Variants in RANBP2 observed in about 807,000 individuals in gnomAD.
RANBP2 encodes E3 SUMO-protein ligase RanBP2.
A neutral mutation model predicts 303.6 loss-of-function variants in RANBP2; 57 were observed. That is an observed-to-expected ratio of 0.19 (90% CI 0.15 to 0.23). The LOEUF (loss-of-function observed/expected upper bound fraction) is 0.23, where lower values mean the gene tolerates loss of function less well. Ranked by LOEUF, RANBP2 falls within the 10% of genes least tolerant of loss-of-function variation. RANBP2 has a pLI of 1.00. For synonymous variants in RANBP2, 1,167 were observed against 1,301.5 expected, an observed-to-expected ratio of 0.90 and a Z score of 2.23; for missense variants, 3,138 against 3,780.8, an observed-to-expected ratio of 0.83 and a Z score of 4.46.
the RANBP2 span, among the ~76,000 whole-genome samples, chr2:109,285,522 T>C: frequency 8.0e-3 from 1,218 of 152,312 alleles, 12 homozygotes; most frequent in East Asian, 0.037. Flanking sequence ...GCACTTGGAC[T>C]GCAGGGCAAT....
the RANBP2 span, among the ~76,000 whole-genome samples, chr2:109,317,015 G>A: frequency 6.6e-6 from 1 of 151,808 alleles, no homozygotes; most frequent in African/African-American, 2.4e-5. Context: ...ACACTCCATT[G>A]TCTGGGTGGA....
chr2:109,736,203 C>T, the RANBP2 span, among the ~76,000 whole-genome samples: 1 of 152,224 alleles, frequency 6.6e-6, no homozygotes, highest in Admixed American at 6.5e-5. Flanking sequence ...TTTTTCCCAG[C>T]CTCGGTAGCC....
At chr2:108,909,189 G>C in the RANBP2 span, among the ~76,000 whole-genome samples, 1 of 152,218 alleles carries the variant, frequency 6.6e-6, no homozygotes, top group Non-Finnish European at 1.5e-5. Flanking sequence ...TGCAACTCAA[G>C]TCATGGGGCA....
At chr2:109,441,819 C>T in the RANBP2 span, among the ~76,000 whole-genome samples, 1 of 152,032 alleles carries the variant, frequency 6.6e-6, no homozygotes. Context: ...AGATACATTA[C>T]ATGAAATAGA....
chr2:109,286,258 A>G, the RANBP2 span, among the ~76,000 whole-genome samples: 1 of 152,244 alleles, frequency 6.6e-6, no homozygotes, highest in East Asian at 1.9e-4. Context: ...ATGCTCTGCC[A>G]TCAGCAGATT....
the RANBP2 span, among the ~76,000 whole-genome samples, chr2:109,571,310 C>T: frequency 1.3e-5 from 2 of 152,098 alleles, no homozygotes; most frequent in African/African-American, 2.4e-5. Flanking sequence ...GATAGAAATG[C>T]GATAGAAATA....
intron 6 of RANBP2, among the ~76,000 whole-genome samples, chr2:108,737,953 A>G (rs1169799124): frequency 1.3e-5 from 2 of 151,326 alleles, no homozygotes; most frequent in African/African-American, 2.4e-5. Flanking sequence ...TGACCTCGTG[A>G]TCTGCCCTCC....
chr2:109,005,877 T>G, the RANBP2 span, among the ~76,000 whole-genome samples: 1 of 152,230 alleles, frequency 6.6e-6, no homozygotes, highest in Admixed American at 6.5e-5. Context: ...ACAGCCCAGT[T>G]CAGCCTGGGG....
chr2:108,756,974 G>A (rs1335331740), intron 17 of RANBP2, among the ~76,000 whole-genome samples: 3 of 152,084 alleles, frequency 2.0e-5, no homozygotes, highest in African/African-American at 7.2e-5. Context: ...GATGAGTGGG[G>A]GAAATTTTAT....
chr2:109,422,278 G>C, the RANBP2 span, among the ~76,000 whole-genome samples: 257 of 152,354 alleles, frequency 1.7e-3, no homozygotes, highest in African/African-American at 6.0e-3. Flanking sequence ...AGATGGGGCT[G>C]ATGTGAAAGT....
chr2:109,356,171 G>A, the RANBP2 span, among the ~76,000 whole-genome samples: 3 of 152,172 alleles, frequency 2.0e-5, no homozygotes, highest in East Asian at 5.8e-4. Context: ...GGATTTTTAG[G>A]TACAGGGAGT....
intron 26 of RANBP2, among the ~76,000 whole-genome samples, chr2:108,781,651 AAT>A (rs1678264982): frequency 1.3e-5 from 2 of 152,190 alleles, no homozygotes; most frequent in African/African-American, 4.8e-5. Context: ...ATTGGTAAGA[AAT>A]AATTTTTTCT....
chr2:108,752,290 T>C (rs1675946381), intron 12 of RANBP2, among the ~76,000 whole-genome samples: 1 of 152,070 alleles, frequency 6.6e-6, no homozygotes, highest in African/African-American at 2.4e-5. Flanking sequence ...CAAGGCTTTG[T>C]AGGTAAGACC....
At chr2:109,142,840 G>A in the RANBP2 span, among the ~76,000 whole-genome samples, 59 of 152,270 alleles carry the variant, frequency 3.9e-4, no homozygotes, top group Admixed American at 2.0e-3. Flanking sequence ...ATTGTGGGAC[G>A]TTTTCACTCT....
chr2:108,967,251 A>T, the RANBP2 span, among the ~76,000 whole-genome samples: 1 of 152,194 alleles, frequency 6.6e-6, no homozygotes, highest in Admixed American at 6.5e-5. Flanking sequence ...TGTTTTTGAG[A>T]TCAAGTCCCT....
the RANBP2 span, among the ~76,000 whole-genome samples, chr2:108,965,204 G>A: frequency 1.5e-4 from 23 of 152,248 alleles, 2 homozygotes; most frequent in East Asian, 4.4e-3. Context: ...TGGGCCAGGC[G>A]CGGTGGCTCA....
the RANBP2 span, among the ~76,000 whole-genome samples, chr2:109,023,038 G>A: frequency 1.1e-4 from 17 of 152,098 alleles, no homozygotes; most frequent in Non-Finnish European, 1.8e-4. Flanking sequence ...GTGACAGAGC[G>A]AGACTCCATC....
At chr2:109,049,334 C>T in the RANBP2 span, among the ~76,000 whole-genome samples, 1 of 152,206 alleles carries the variant, frequency 6.6e-6, no homozygotes, top group Non-Finnish European at 1.5e-5. Context: ...CTCTTCTCTC[C>T]CTAGCACTAT....
chr2:109,290,001 G>A, the RANBP2 span, among the ~76,000 whole-genome samples: 3 of 152,188 alleles, frequency 2.0e-5, no homozygotes, highest in Admixed American at 6.5e-5. Context: ...CCACTGGGGG[G>A]ACCTTGTTAA....
Sources: gnomAD v4.1 joint callset for allele counts (sites outside exome capture counted in the v4.1 genomes callset) on GRCh38, gnomAD v4.1.1 for gene constraint, MANE v1.5 for transcripts, NCBI Gene and HGNC (gene_info 2026-07-23, HGNC 2026-07-21) for gene names.